The following ELAPOR2 variants were observed in gnomAD, a reference collection of about 807,000 sequenced individuals.
ELAPOR2 encodes endosome-lysosome associated apoptosis and autophagy regulator family member 2.
A neutral mutation model predicts 120.7 loss-of-function variants in ELAPOR2; 89 were observed. The ratio of observed to expected loss-of-function variants is 0.74; its 90% CI spans 0.62 to 0.88. ELAPOR2 has a LOEUF of 0.88. Among genes scored for constraint, ELAPOR2 ranks in the 40% least tolerant of loss-of-function variants. The probability of loss-of-function intolerance (pLI) is 0.00; values close to 1 mark genes in which losing one functional copy is unlikely to be tolerated. For missense variants in ELAPOR2, 1,134 were observed against 1,251.6 expected (o/e 0.91, Z 1.42); for synonymous variants, 444 against 444.9 (o/e 1.00, Z 0.03).
chr7:86,945,007 A>G lies in ELAPOR2; in HGVS notation c.546T>C (p.Asn182=). ...TCAAAGACACCGTGCAGTCATCACG[A>G]TTAGATTCTATGTAGTTTCCACGAG... The part of the protein sequence containing the change: ...WIPRGNYIES[N]RDDCTVSLIY... Residue 182 remains asparagine (N), a synonymous_variant, in exon 4 of 22, where the codon AAT becomes AAC. Transcript: ENST00000450689. The G allele has an allele frequency of 6.4e-7, 1 of 1,550,620 alleles. No homozygotes were observed. Among genetic ancestry groups the G allele is most frequent in the Non-Finnish European group, 8.7e-7 (1 of 1,146,634 alleles).
At chr7:87,058,326 A>G (rs1562990443) in intron 1 of ELAPOR2, among the ~76,000 whole-genome samples, 1 of 152,220 alleles carries the variant, frequency 6.6e-6, no homozygotes, top group Non-Finnish European at 1.5e-5. Context: ...TTTTTGCTAC[A>G]TTAATTAAAA....
At chr7:87,039,267 A>G (rs1384159069) in intron 1 of ELAPOR2, among the ~76,000 whole-genome samples, 3 of 152,142 alleles carry the variant, frequency 2.0e-5, no homozygotes, top group East Asian at 3.8e-4. Flanking sequence ...GCCACAATAA[A>G]AAGTCTCCCA....
At chr7:86,955,754 GT>G (rs776240502) in intron 2 of ELAPOR2, among the ~76,000 whole-genome samples, 9 of 151,984 alleles carry the variant, frequency 5.9e-5, no homozygotes, top group Non-Finnish European at 1.2e-4. Context: ...CAGATTCCAA[GT>G]TTCTTCTTCT....
At chr7:86,979,120 C>G (rs1228694116) in intron 1 of ELAPOR2, among the ~76,000 whole-genome samples, 1 of 151,912 alleles carries the variant, frequency 6.6e-6, no homozygotes, top group African/African-American at 2.4e-5. Flanking sequence ...CTTTAACTTT[C>G]TTTATAGCAT....
chr7:87,057,313 C>A (rs1445112778), intron 1 of ELAPOR2, among the ~76,000 whole-genome samples: 1 of 152,150 alleles, frequency 6.6e-6, no homozygotes, highest in Admixed American at 6.5e-5. Flanking sequence ...ATGACCAATT[C>A]TGTAAATTAG....
intron 1 of ELAPOR2, 134 bp downstream of exon 1, chr7:87,059,191 A>G (rs1385522279): frequency 1.7e-6 from 2 of 1,203,074 alleles, no homozygotes; most frequent in Non-Finnish European, 2.1e-6. Flanking sequence ...CACCCCTCGA[A>G]GCAAACGAAA....
chr7:86,937,313 A>G (rs1790601383), intron 8 of ELAPOR2, among the ~76,000 whole-genome samples: 1 of 152,142 alleles, frequency 6.6e-6, no homozygotes, highest in South Asian at 2.1e-4. Flanking sequence ...GAATCTAGGG[A>G]TGCAAAAACA....
At chr7:86,896,121 C>T (rs985746822) in intron 19 of ELAPOR2, among the ~76,000 whole-genome samples, 4 of 151,980 alleles carry the variant, frequency 2.6e-5, no homozygotes, top group Non-Finnish European at 5.9e-5. Context: ...TAACACATTT[C>T]CTAATTTTTG....
chr7:86,987,285 G>A (rs1013274960), intron 1 of ELAPOR2, among the ~76,000 whole-genome samples: 3 of 152,074 alleles, frequency 2.0e-5, no homozygotes, highest in Non-Finnish European at 4.4e-5. Context: ...CATAGGCATG[G>A]GAAAGGACTT....
intron 19 of ELAPOR2, among the ~76,000 whole-genome samples, chr7:86,895,918 G>A (rs1436021502): frequency 6.6e-6 from 1 of 152,064 alleles, no homozygotes; most frequent in Admixed American, 6.6e-5. Context: ...TTGTGAAGTA[G>A]AAAAAGCATT....
intron 21 of ELAPOR2, among the ~76,000 whole-genome samples, chr7:86,885,805 GTGT>G (rs1010899987): frequency 2.0e-5 from 3 of 152,144 alleles, no homozygotes; most frequent in South Asian, 2.1e-4. Flanking sequence ...ATTCAAGATA[GTGT>G]TGTTGTTGCT....
intron 19 of ELAPOR2, among the ~76,000 whole-genome samples, chr7:86,894,408 T>C (rs1048039311): frequency 4.6e-5 from 7 of 152,060 alleles, no homozygotes; most frequent in African/African-American, 1.7e-4. Flanking sequence ...TCAGCAAATG[T>C]TGACTTTATT....
chr7:86,896,151 T>C (rs180724239), intron 19 of ELAPOR2, among the ~76,000 whole-genome samples: 5 of 152,272 alleles, frequency 3.3e-5, no homozygotes, highest in African/African-American at 1.2e-4. Flanking sequence ...TGTCTGCTTA[T>C]TTTTTGTATA....
In ELAPOR2 at chr7:86,976,594, G is replaced by GT. The variant is rs761622925; in HGVS notation, c.190-11571dup. 5.3e-5 allele frequency among the ~76,000 whole-genome samples: 8 copies of GT among 152,224 alleles called. 2 individuals carry two copies. Among genetic ancestry groups the GT allele is most frequent in the Admixed American group, 6.5e-5 (1 of 15,290 alleles). On this transcript the variant is annotated intron_variant, in intron 1 of 21. Transcript: ENST00000450689. ...CACACAAAAGATAAAAACAGCCAAAGTTTTGAAAACTGAATAGACACTGGA... is the reference window on the plus strand; with the variant it reads ...CACACAAAAGATAAAAACAGCCAAAGTTTTTGAAAACTGAATAGACACTGGA...
At chr7:87,057,350 C>A (rs535537583) in intron 1 of ELAPOR2, among the ~76,000 whole-genome samples, 1 of 152,306 alleles carries the variant, frequency 6.6e-6, no homozygotes, top group South Asian at 2.1e-4. Flanking sequence ...AGATATCAAA[C>A]AGATTCAACC....
chr7:86,977,753 T>G (rs76647209), intron 1 of ELAPOR2, among the ~76,000 whole-genome samples: 4,867 of 152,230 alleles, frequency 0.032, 243 homozygotes, highest in African/African-American at 0.11. Context: ...TAGAAAATAG[T>G]GAAGCACATA....
chr7:86,882,722 T>C (rs1354413138), intron 21 of ELAPOR2, among the ~76,000 whole-genome samples: 1 of 152,150 alleles, frequency 6.6e-6, no homozygotes, highest in Non-Finnish European at 1.5e-5. Flanking sequence ...TCTATTGAAA[T>C]ACCACATTGG....
intron 15 of ELAPOR2, among the ~76,000 whole-genome samples, chr7:86,911,005 A>G (rs1458566109): frequency 1.3e-5 from 2 of 152,090 alleles, no homozygotes; most frequent in African/African-American, 2.4e-5. Flanking sequence ...CTGGGGAAAG[A>G]AAAAGGAAAA....
At chr7:87,016,684 A>G (rs1227594496) in intron 1 of ELAPOR2, among the ~76,000 whole-genome samples, 1 of 149,272 alleles carries the variant, frequency 6.7e-6, no homozygotes, top group Non-Finnish European at 1.5e-5. Flanking sequence ...TATATAATAT[A>G]TAATATAACA....
Sources: allele counts gnomAD v4.1 joint callset (sites outside exome capture counted in the v4.1 genomes callset), GRCh38; gene constraint gnomAD v4.1.1; transcripts MANE v1.5; gene names NCBI Gene and HGNC (gene_info 2026-07-23, HGNC 2026-07-21).